The following HIRA variants were observed in gnomAD, a reference collection of about 807,000 sequenced individuals.
The protein encoded by HIRA is histone cell cycle regulator.
In HIRA, 13 loss-of-function variants were observed where a neutral mutation model predicts 126.6. That is an observed-to-expected ratio of 0.10 (90% CI 0.07 to 0.16). HIRA has a LOEUF of 0.16. Among genes scored for constraint, HIRA ranks in the 10% least tolerant of loss-of-function variants. The probability of loss-of-function intolerance (pLI) is 1.00; values close to 1 mark genes in which losing one functional copy is unlikely to be tolerated. For synonymous variants in HIRA, 511 were observed against 520.0 expected (o/e 0.98, Z 0.24); for missense variants, 834 against 1,314.4 (o/e 0.63, Z 5.65).
chr22:19,349,982 TTTTTC>T (rs1390173520), intron 24 of HIRA, among the ~76,000 whole-genome samples: 22 of 152,114 alleles, frequency 1.4e-4, no homozygotes, highest in Admixed American at 1.3e-3. Flanking sequence ...TGGCCTTTCC[TTTTTC>T]TTTTCTTTTT....
Position 19,385,586 on chromosome 22 carries a change from C to T in HIRA, c.1264G>A (p.Glu422Lys), listed in dbSNP as rs1358637487. ...QLDQKSAATR[E>K]MGSATSVAGV... ...GCGACTGAGGTGGCTGAGCCCATCT[C>T]CCTGGTCGCAGCACTCTTCTGGTCC... The change falls in exon 12 of 25, where the codon GAG becomes AAG. Residue 422 changes from glutamate (E) to lysine (K), a missense_variant. Physicochemically the swap from Glu to Lys is moderately conservative, Grantham distance 56. Coordinates refer to ENST00000263208, the MANE Select transcript of HIRA (RefSeq NM_003325.4). 6.2e-7 allele frequency: 1 copy of T among 1,614,200 alleles called. No individual in the cohort carries two copies.
At chr22:19,363,813 G>A (rs2088887559) in intron 15 of HIRA, among the ~76,000 whole-genome samples, 2 of 152,126 alleles carry the variant, frequency 1.3e-5, no homozygotes, top group Non-Finnish European at 2.9e-5. Flanking sequence ...TAGGAGAATT[G>A]CTTGAACCTG....
intron 16 of HIRA, 131 bp from the exon 17 acceptor site, chr22:19,361,472 G>C: frequency 1.2e-6 from 1 of 806,818 alleles, no homozygotes. Flanking sequence ...AGGAAGCAGA[G>C]GGGAATGCTA....
chr22:19,415,646 G>A (rs756350074), intron 1 of HIRA, among the ~76,000 whole-genome samples: 11 of 151,960 alleles, frequency 7.2e-5, no homozygotes, highest in African/African-American at 1.2e-4. Context: ...AAAATTGGCC[G>A]GACATGGTAG....
chr22:19,398,721 A>T (rs533539031), intron 5 of HIRA, among the ~76,000 whole-genome samples: 19 of 152,320 alleles, frequency 1.2e-4, no homozygotes, highest in African/African-American at 4.6e-4. Flanking sequence ...TCACGTCTGT[A>T]ATCTCAGCAT....
chr22:19,390,601 CAAAAA>C (rs575050947), intron 9 of HIRA, among the ~76,000 whole-genome samples: 56 of 38,342 alleles, frequency 1.5e-3, no homozygotes, highest in African/African-American at 3.1e-3. Flanking sequence ...GACTCTGTCT[CAAAAA>C]AAAAAAAAAA....
At position 19,405,546 on chromosome 22, in the gene HIRA, T is replaced by C. The variant is rs1341331957; in HGVS notation, c.397+240A>G. On this transcript the variant is annotated intron_variant, in intron 5 of 24. Transcript: ENST00000263208. The stretch of plus-strand genomic sequence containing the variant: ...CGTGGGAAGTTCTACATTAAAGATA[T>C]AAACATATACCCCATGAGGGCAAGA... 4 of 981,508 alleles carry C rather than the reference T, an allele frequency of 4.1e-6. No individual in the cohort carries two copies. The African/African-American group carries it at 7.0e-5, about 17-fold the overall frequency. 60.8% of individuals were successfully genotyped at this position (981,508 alleles called of 1,614,324 possible). A position where few individuals can be genotyped will look rare whatever the true frequency, so the allele number is the denominator to read the frequency against.
At chr22:19,426,642 G>A (rs2089490436) in intron 1 of HIRA, among the ~76,000 whole-genome samples, 1 of 152,170 alleles carries the variant, frequency 6.6e-6, no homozygotes, top group Admixed American at 6.5e-5. Context: ...ACAGCTTTCT[G>A]TTCAGAGAGA....
rs1025446291 is a variant in HIRA at position 19,431,567 on chromosome 22, G to A, written c.-91C>T. 23 of 998,180 alleles carry A rather than the reference G, an allele frequency of 2.3e-5. No individual in the cohort carries two copies. The Admixed American group carries it at 1.2e-3, about 53-fold the overall frequency. The allele number at this position is 998,180 out of a possible 1,614,324, so 61.8% of individuals were successfully genotyped here. On this transcript the variant is annotated 5_prime_UTR_variant, in exon 1 of 25. Coordinates refer to ENST00000263208, the MANE Select transcript of HIRA (RefSeq NM_003325.4). ...AGCCACCGCCGCCGCTTCCTCCCGCGCCACCCGCCCTCCGGCCGCCGCCCG... is the reference window on the plus strand; with the variant it reads ...AGCCACCGCCGCCGCTTCCTCCCGCACCACCCGCCCTCCGGCCGCCGCCCG...
intron 15 of HIRA, among the ~76,000 whole-genome samples, chr22:19,370,176 C>T (rs1020387966): frequency 6.6e-6 from 1 of 152,106 alleles, no homozygotes; most frequent in Non-Finnish European, 1.5e-5. Flanking sequence ...TGGTCTCCAA[C>T]TCCTAACCTC....
At chr22:19,400,895 G>A (rs1465546020) in intron 5 of HIRA, among the ~76,000 whole-genome samples, 3 of 151,978 alleles carry the variant, frequency 2.0e-5, no homozygotes, top group Non-Finnish European at 2.9e-5. Context: ...CCTTCCCACA[G>A]GCCAACCATC....
intron 9 of HIRA, among the ~76,000 whole-genome samples, chr22:19,391,575 A>G (rs964336967): frequency 6.8e-6 from 1 of 147,120 alleles, no homozygotes; most frequent in Non-Finnish European, 1.5e-5. Flanking sequence ...TCTGCCTCCC[A>G]GGTTCACGCC....
chr22:19,413,661 G>C (rs1265227292), intron 1 of HIRA, among the ~76,000 whole-genome samples: 2 of 151,784 alleles, frequency 1.3e-5, no homozygotes, highest in African/African-American at 4.8e-5. Context: ...GCCCAGGCTA[G>C]AGTGCAGTGG....
chr22:19,380,430 G>A (rs769639338), intron 13 of HIRA, among the ~76,000 whole-genome samples: 2 of 151,838 alleles, frequency 1.3e-5, no homozygotes, highest in African/African-American at 2.4e-5. Context: ...ATAAATATTC[G>A]GGCCTGTTTC....
intron 15 of HIRA, among the ~76,000 whole-genome samples, chr22:19,362,224 T>C (rs2088870494): frequency 6.6e-6 from 1 of 151,802 alleles, no homozygotes; most frequent in Admixed American, 6.6e-5. Flanking sequence ...AAAGGAAGAG[T>C]GATGTTAGAG....
At chr22:19,341,385 T>G in intron 24 of HIRA, among the ~76,000 whole-genome samples, 1 of 147,280 alleles carries the variant, frequency 6.8e-6, no homozygotes, top group East Asian at 2.0e-4. Context: ...GGAGGCAGAG[T>G]TTGCCATGAG....
intron 1 of HIRA, among the ~76,000 whole-genome samples, chr22:19,413,754 G>A (rs989923233): frequency 6.6e-6 from 1 of 152,074 alleles, no homozygotes; most frequent in Non-Finnish European, 1.5e-5. Flanking sequence ...TGGGACTACA[G>A]GTGCCTGCTA....
Position 19,361,756 on chromosome 22 carries a change from G to A in HIRA, c.1951C>T (p.Arg651Cys), listed in dbSNP as rs765032954. Residue 651 changes from arginine (R) to cysteine (C), a missense_variant, in exon 16 of 25, where the codon CGT becomes TGT. Physicochemically the swap from Arg to Cys is radical, Grantham distance 180. Transcript: ENST00000263208. ...ACAGACAGAGACACAGGCATGAGAC[G>A]AGAGTCCTTCCGAGGCCGCCCTTTC... Reference protein sequence around the residue: ...KKKGRPRKDSRLMPVSLSVQS... With the variant: ...KKKGRPRKDSCLMPVSLSVQS... 3 of 1,612,774 alleles carry A rather than the reference G, an allele frequency of 1.9e-6. No homozygotes were observed. The highest frequency in any genetic ancestry group is 1.7e-5 in the Admixed American group (1 of 60,036).
At chr22:19,425,657 T>A (rs962697729) in intron 1 of HIRA, among the ~76,000 whole-genome samples, 1 of 152,174 alleles carries the variant, frequency 6.6e-6, no homozygotes, top group African/African-American at 2.4e-5. Context: ...CTGGCCTTCA[T>A]CCATATTCTT....
Sources: gnomAD v4.1 joint callset for allele counts (sites outside exome capture counted in the v4.1 genomes callset) on GRCh38, gnomAD v4.1.1 for gene constraint, MANE v1.5 for transcripts, NCBI Gene and HGNC (gene_info 2026-07-23, HGNC 2026-07-21) for gene names.